Variants in GADL1 observed in about 807,000 individuals in gnomAD.
GADL1 encodes GAD like acidic amino acid decarboxylase 1.
GADL1 carries 71 observed loss-of-function variants against 69.5 expected under a neutral mutation model. The observed-to-expected ratio is 1.02, with a 90% CI of 0.84 to 1.25. GADL1 has a LOEUF of 1.25. Among genes scored for constraint, GADL1 ranks in the 50% most tolerant of loss-of-function variants. The pLI is 0.00. For missense variants in GADL1, 737 were observed against 631.8 expected, an observed-to-expected ratio of 1.17 and a Z score of -1.79; for synonymous variants, 254 against 214.4, an observed-to-expected ratio of 1.18 and a Z score of -1.62.
intron 12 of GADL1, among the ~76,000 whole-genome samples, chr3:30,788,198 T>G (rs1240749432): frequency 6.6e-6 from 1 of 152,142 alleles, no homozygotes; most frequent in East Asian, 1.9e-4. Flanking sequence ...ATCAGAAAAG[T>G]TATTCAAAAT....
intron 1 of GADL1, among the ~76,000 whole-genome samples, chr3:30,888,527 G>C (rs987180430): frequency 3.3e-5 from 5 of 152,202 alleles, no homozygotes; most frequent in Admixed American, 1.3e-4. Flanking sequence ...AGATTTAGTA[G>C]GGACAGATTC....
rs1282475210 is a variant in GADL1, at chr3:30,894,633, G to T, written c.-19C>A. On this transcript the variant is annotated 5_prime_UTR_variant, in exon 1 of 15. In the 5' UTR this introduces an upstream ATG that the reference lacks. Transcript: ENST00000282538. ...TGCTCATCTCCGCTCCCCCACTCCA[G>T]GCTGCCCCGGGCGCGGCTCCCGCAG... 6.5e-7 allele frequency: 1 copy of T among 1,549,360 alleles called. No individual in the cohort carries two copies. The highest frequency in any genetic ancestry group is 1.2e-5 in the South Asian group (1 of 83,910).
chr3:30,888,220 G>T (rs534370898), intron 1 of GADL1, among the ~76,000 whole-genome samples: 2 of 152,098 alleles, frequency 1.3e-5, no homozygotes, highest in African/African-American at 4.8e-5. Flanking sequence ...ATCAAAATCA[G>T]GATGCTGGTT....
chr3:30,815,122 T>C (rs1168469876), intron 11 of GADL1, among the ~76,000 whole-genome samples: 1 of 152,148 alleles, frequency 6.6e-6, no homozygotes, highest in African/African-American at 2.4e-5. Context: ...ACAATTCCCA[T>C]AGAGAATGGC....
chr3:30,817,305 T>C (rs914318702), intron 11 of GADL1, among the ~76,000 whole-genome samples: 6 of 152,228 alleles, frequency 3.9e-5, no homozygotes, highest in Non-Finnish European at 8.8e-5. Flanking sequence ...TTTATTGTTA[T>C]ATTGTAAATC....
chr3:30,816,317 A>G (rs1697469034), intron 11 of GADL1, among the ~76,000 whole-genome samples: 1 of 152,008 alleles, frequency 6.6e-6, no homozygotes, highest in African/African-American at 2.4e-5. Context: ...TGGGCAAAGA[A>G]GAGTTTCTGG....
Position 30,800,975 on chromosome 3 carries a change from T to C in GADL1, c.1164A>G (p.Pro388=), listed in dbSNP as rs770843622. Residue 388 remains proline (P), a synonymous_variant, in exon 12 of 15, where the codon CCA becomes CCG. Transcript: ENST00000282538. ...AGGTCATCCAGAACTTGAATGCATC[T>C]GGTCTTCTGCTACACTGGATAGACT... The part of the protein sequence containing the change: ...GDKSIQCSRR[P]DAFKFWMTWK... 5.6e-6 allele frequency: 9 copies of C among 1,613,804 alleles called. No homozygotes were observed. The East Asian group carries it at 1.8e-4, about 32-fold the overall frequency.
At chr3:30,747,232 T>C (rs1695720698) in intron 14 of GADL1, among the ~76,000 whole-genome samples, 1 of 152,176 alleles carries the variant, frequency 6.6e-6, no homozygotes, top group South Asian at 2.1e-4. Context: ...ACCCAGGCCA[T>C]TTGTTACCTC....
intron 11 of GADL1, among the ~76,000 whole-genome samples, chr3:30,815,438 T>C (rs995819486): frequency 2.0e-5 from 3 of 152,308 alleles, no homozygotes; most frequent in East Asian, 3.9e-4. Flanking sequence ...AGAAAACCGT[T>C]GTCTGACAGA....
At chr3:30,756,753 G>A (rs1695983375) in intron 14 of GADL1, among the ~76,000 whole-genome samples, 1 of 152,160 alleles carries the variant, frequency 6.6e-6, no homozygotes. Context: ...CCCTTCAGCA[G>A]CAAACACAGC....
chr3:30,727,095 T>C lies in GADL1; in HGVS notation c.*1147A>G, dbSNP rs1403363072. On this transcript the variant is annotated 3_prime_UTR_variant, in exon 15 of 15. Transcript: ENST00000282538. The stretch of plus-strand genomic sequence containing the variant: ...AAACATATATGTGTGTATATATATA[T>C]ATACTATACACACACATATGTATGT... The C allele has an allele frequency of 6.7e-6, 1 of 150,136 alleles. No individual in the cohort carries two copies. The highest frequency in any genetic ancestry group is 2.4e-5 in the African/African-American group (1 of 41,114). The allele number at this position is 150,136 out of a possible 1,614,324, so 9.3% of individuals were successfully genotyped here.
intron 1 of GADL1, among the ~76,000 whole-genome samples, chr3:30,890,646 A>G (rs1308388924): frequency 1.3e-5 from 2 of 152,192 alleles, no homozygotes. Context: ...AATTACAAAG[A>G]CTCAGCAGCA....
intron 12 of GADL1, among the ~76,000 whole-genome samples, chr3:30,786,780 T>G (rs952396522): frequency 1.3e-5 from 2 of 152,116 alleles, no homozygotes; most frequent in African/African-American, 2.4e-5. Flanking sequence ...AGGAAAGAGT[T>G]TTTTGTTTTG....
At chr3:30,767,907 C>A (rs1215180864) in intron 14 of GADL1, among the ~76,000 whole-genome samples, 2 of 151,866 alleles carry the variant, frequency 1.3e-5, no homozygotes, top group African/African-American at 4.8e-5. Flanking sequence ...AATATAAATA[C>A]TTAAAATATG....
intron 14 of GADL1, among the ~76,000 whole-genome samples, chr3:30,757,213 A>ATTTTT (rs1559489527): frequency 2.0e-5 from 3 of 152,178 alleles, no homozygotes; most frequent in African/African-American, 4.8e-5. Flanking sequence ...CTGGACCTTC[A>ATTTTT]TCAAATATCT....
In GADL1 at chr3:30,778,255, T is replaced by C. The variant is rs1326320440; in HGVS notation, c.1316A>G (p.Asn439Ser). 2 of 1,608,480 alleles carry C rather than the reference T, an allele frequency of 1.2e-6. No individual in the cohort carries two copies. Among genetic ancestry groups the C allele is most frequent in the Non-Finnish European group, 1.7e-6 (2 of 1,175,244 alleles). ...CGGTGGAATGTACCAAAAGCAAATA[T>C]TGGCATATTCAGGCTGAGAATTAGA... ...FKLLMEPEYA[N>S]ICFWYIPPSL... The change falls in exon 14 of 15, where the codon AAT (asparagine) becomes AGT (serine). Residue 439 changes from asparagine (N) to serine (S), a missense_variant. By Grantham distance (46) the Asn-to-Ser change is conservative (BLOSUM62 1). Coordinates refer to ENST00000282538, the MANE Select transcript of GADL1 (RefSeq NM_207359.3).
At position 30,834,123 on chromosome 3, in the gene GADL1, T is replaced by G. The variant is rs549388376; in HGVS notation, c.968+94A>C. On this transcript the variant is annotated intron_variant, in intron 10 of 14. Coordinates refer to ENST00000282538, the MANE Select transcript of GADL1 (RefSeq NM_207359.3). The stretch of plus-strand genomic sequence containing the variant: ...TTGTTGTTTATTTAAGGAAAACAAT[T>G]ACTTTGTTTTTTCCTATTTTCAAAA... The G allele has an allele frequency of 5.4e-6, 6 of 1,108,638 alleles. No homozygotes were observed. In the East Asian group the frequency reaches 1.2e-4, roughly 22 times the overall value. The allele number at this position is 1,108,638 out of a possible 1,614,324, so 68.7% of individuals were successfully genotyped here.
intron 14 of GADL1, among the ~76,000 whole-genome samples, chr3:30,766,444 T>C (rs1220336705): frequency 6.6e-6 from 1 of 152,200 alleles, no homozygotes; most frequent in Non-Finnish European, 1.5e-5. Context: ...CCACATTTAC[T>C]TCACATCAGG....
In GADL1 at chr3:30,807,121, A is replaced by T. The variant is rs952334; in HGVS notation, c.1051-6033T>A. On this transcript the variant is annotated intron_variant, in intron 11 of 14. Coordinates refer to ENST00000282538, the MANE Select transcript of GADL1 (RefSeq NM_207359.3). Reference sequence around the variant, plus strand: ...AGTATTATGAAAATCAAAGGAACTAATGTTAACTGGGAATACTCTTTAGTC... The same window carrying T: ...AGTATTATGAAAATCAAAGGAACTATTGTTAACTGGGAATACTCTTTAGTC... Among the ~76,000 whole-genome samples the T allele has an allele frequency of 4.4e-3, 677 of 152,312 alleles. 1 individual carries two copies. The highest frequency in any genetic ancestry group is 7.0e-3 in the Non-Finnish European group (478 of 68,018).
Sources: gnomAD v4.1 joint callset for allele counts (sites outside exome capture counted in the v4.1 genomes callset) on GRCh38, gnomAD v4.1.1 for gene constraint, MANE v1.5 for transcripts, NCBI Gene and HGNC (gene_info 2026-07-23, HGNC 2026-07-21) for gene names.